The following EIF2AK2 variants were observed in gnomAD, a reference collection of about 807,000 sequenced individuals.
The protein encoded by EIF2AK2 is eukaryotic translation initiation factor 2 alpha kinase 2.
EIF2AK2 carries 40 observed loss-of-function variants against 70.5 expected under a neutral mutation model. The ratio of observed to expected loss-of-function variants is 0.57; its 90% CI spans 0.44 to 0.74. The LOEUF (loss-of-function observed/expected upper bound fraction) is 0.74, where lower values mean the gene tolerates loss of function less well. Ranked by LOEUF, EIF2AK2 falls within the 30% of genes least tolerant of loss-of-function variation. The probability of loss-of-function intolerance (pLI) is 0.00; values close to 1 mark genes in which losing one functional copy is unlikely to be tolerated. For missense variants in EIF2AK2, 555 were observed against 644.3 expected, an observed-to-expected ratio of 0.86 and a Z score of 1.50; for synonymous variants, 198 against 220.9, an observed-to-expected ratio of 0.90 and a Z score of 0.92.
At chr2:37,149,423 A>G in intron 1 of EIF2AK2, 3 of 471,690 alleles carry the variant, frequency 6.4e-6, no homozygotes, top group Admixed American at 7.0e-5. Flanking sequence ...CTCAATGTGC[A>G]CGAATTTTTC....
intron 4 of EIF2AK2, among the ~76,000 whole-genome samples, chr2:37,145,228 C>T (rs530036820): frequency 2.7e-5 from 4 of 150,358 alleles, no homozygotes; most frequent in African/African-American, 4.9e-5. Context: ...CTGCAACCTC[C>T]GCTTCCTGAG....
At chr2:37,116,245 T>C (rs1674337964) in intron 13 of EIF2AK2, among the ~76,000 whole-genome samples, 1 of 151,862 alleles carries the variant, frequency 6.6e-6, no homozygotes. Flanking sequence ...TTTGAGACAG[T>C]GTCTCATTTT....
chr2:37,120,205 A>AT, intron 12 of EIF2AK2, 66 bp from the exon 13 acceptor site: 3 of 1,069,334 alleles, frequency 2.8e-6, no homozygotes, highest in Non-Finnish European at 3.6e-6. Flanking sequence ...AATTTTTTAT[A>AT]ACTTTTTAAA....
rs778514773 is a variant in EIF2AK2, at chr2:37,138,630, A to G, written c.517-45T>C. 6.4e-6 allele frequency: 10 copies of G among 1,551,984 alleles called. No homozygotes were observed. In the Admixed American group the frequency reaches 1.7e-4, roughly 26 times the overall value. On this transcript the variant is annotated intron_variant, in intron 6 of 16. Transcript: ENST00000233057. ...TTAGTAGGCTTAAATACAACTAATT[A>G]TTTCTCTACAGAGGCTCAGTTTCTA...
chr2:37,114,714 C>T lies in EIF2AK2; in HGVS notation c.1377+17G>A, dbSNP rs1674275379. 6.5e-7 allele frequency: 1 copy of T among 1,527,458 alleles called. No individual in the cohort carries two copies. Among genetic ancestry groups the T allele is most frequent in the African/African-American group, 1.4e-5 (1 of 70,836 alleles). The allele number at this position is 1,527,458 out of a possible 1,614,324, so 94.6% of individuals were successfully genotyped here. ...ATAAAAGAAGTAAAATATAGACAGA[C>T]AGGAAAGAGACCTTACCTGTTCTGG... On this transcript the variant is annotated intron_variant, in intron 14 of 16. Transcript: ENST00000233057.
At chr2:37,130,920 GA>G (rs1223334185) in intron 10 of EIF2AK2, among the ~76,000 whole-genome samples, 2 of 152,194 alleles carry the variant, frequency 1.3e-5, no homozygotes, top group Non-Finnish European at 2.9e-5. Context: ...CCAAAAGGAA[GA>G]CCCAATTTAA....
intron 10 of EIF2AK2, among the ~76,000 whole-genome samples, chr2:37,130,113 T>G (rs1176670671): frequency 6.6e-6 from 1 of 152,226 alleles, no homozygotes; most frequent in Non-Finnish European, 1.5e-5. Flanking sequence ...TTTATTTTAT[T>G]TTTTTGAGAT....
chr2:37,131,352 A>G (rs1279884179), intron 10 of EIF2AK2, among the ~76,000 whole-genome samples: 1 of 152,082 alleles, frequency 6.6e-6, no homozygotes, highest in East Asian at 1.9e-4. Context: ...AAACAACTAG[A>G]CCCCATTTAC....
intron 13 of EIF2AK2, among the ~76,000 whole-genome samples, chr2:37,119,658 C>T (rs1270702625): frequency 6.6e-6 from 1 of 151,226 alleles, no homozygotes; most frequent in African/African-American, 2.4e-5. Flanking sequence ...GTGGCACAAT[C>T]TTGGCTCACT....
intron 8 of EIF2AK2, 59 bp downstream of exon 8, chr2:37,138,211 A>C: frequency 1.5e-6 from 2 of 1,327,912 alleles, no homozygotes; most frequent in Non-Finnish European, 2.1e-6. Flanking sequence ...GTTATTTTTA[A>C]ATGAGGAAAC....
intron 4 of EIF2AK2, among the ~76,000 whole-genome samples, chr2:37,145,385 T>C (rs1675495636): frequency 6.6e-6 from 1 of 152,106 alleles, no homozygotes; most frequent in Non-Finnish European, 1.5e-5. Flanking sequence ...TCAGGTGATC[T>C]GCCTGCCTTG....
At chr2:37,111,010 A>T (rs116159775) in intron 14 of EIF2AK2, among the ~76,000 whole-genome samples, 1,722 of 152,352 alleles carry the variant, frequency 0.011, 35 homozygotes, top group African/African-American at 0.039. Flanking sequence ...CAACATGGAT[A>T]TATCTTGAGG....
At position 37,148,689 on chromosome 2, in the gene EIF2AK2, C is replaced by T. The variant is rs184837258; in HGVS notation, c.-17+168G>A. On this transcript the variant is annotated intron_variant, in intron 2 of 16. Transcript: ENST00000233057. Reference sequence around the variant, plus strand: ...GGAAGGACACTTTCTAGGAACAATACAATTTGCTTTCATCACATAAAAATT... The same window carrying T: ...GGAAGGACACTTTCTAGGAACAATATAATTTGCTTTCATCACATAAAAATT... 10 of 814,158 alleles carry T rather than the reference C, an allele frequency of 1.2e-5. No individual in the cohort carries two copies. The Admixed American group carries it at 1.4e-4, about 11-fold the overall frequency. The allele number at this position is 814,158 out of a possible 1,614,324, so 50.4% of individuals were successfully genotyped here.
At chr2:37,145,394 T>G (rs1467453711) in intron 4 of EIF2AK2, among the ~76,000 whole-genome samples, 1 of 152,104 alleles carries the variant, frequency 6.6e-6, no homozygotes, top group Non-Finnish European at 1.5e-5. Context: ...CTGCCTGCCT[T>G]GGCCTCCCAA....
intron 10 of EIF2AK2, among the ~76,000 whole-genome samples, chr2:37,126,965 C>CAAAA (rs1674752792): frequency 1.5e-4 from 1 of 6,760 alleles, no homozygotes; most frequent in Non-Finnish European, 2.9e-4. Context: ...CTCAAAAAAA[C>CAAAA]AGAAAAAAAA....
At chr2:37,133,316 C>T (rs1675013077) in intron 10 of EIF2AK2, among the ~76,000 whole-genome samples, 1 of 152,122 alleles carries the variant, frequency 6.6e-6, no homozygotes, top group African/African-American at 2.4e-5. Flanking sequence ...TTTGTTCCAC[C>T]TCAGGGTCAA....
chr2:37,137,140 G>C, intron 8 of EIF2AK2, 123 bp from the exon 9 acceptor site: 1 of 707,154 alleles, frequency 1.4e-6, no homozygotes, highest in Non-Finnish European at 2.3e-6. Context: ...ATCAATGTCT[G>C]TACTCTCATC....
intron 14 of EIF2AK2, among the ~76,000 whole-genome samples, chr2:37,113,498 C>CAAAAAAAA (rs61174879): frequency 1.2e-4 from 4 of 33,024 alleles, no homozygotes; most frequent in Admixed American, 3.6e-4. Flanking sequence ...AACTCCATCT[C>CAAAAAAAA]AAAAAAAAAA....
At chr2:37,144,880 C>T (rs967816392) in intron 4 of EIF2AK2, among the ~76,000 whole-genome samples, 20 of 149,146 alleles carry the variant, frequency 1.3e-4, no homozygotes, top group African/African-American at 4.9e-4. Flanking sequence ...CCACACCCAG[C>T]CTTTGTTTTG....
Sources: gnomAD v4.1 joint callset for allele counts (sites outside exome capture counted in the v4.1 genomes callset) on GRCh38, gnomAD v4.1.1 for gene constraint, MANE v1.5 for transcripts, NCBI Gene and HGNC (gene_info 2026-07-23, HGNC 2026-07-21) for gene names.